ANK1: variants seen among roughly 807,000 people sequenced by gnomAD.
The protein encoded by ANK1 is ankyrin-1.
Under a neutral mutation model 210.4 loss-of-function variants are expected in ANK1, and 51 were observed. The ratio of observed to expected loss-of-function variants is 0.24; its 90% CI spans 0.19 to 0.31. The LOEUF (loss-of-function observed/expected upper bound fraction) is 0.31. ANK1 is among the 10% of genes least tolerant of loss of function. The probability of loss-of-function intolerance (pLI) is 1.00; values close to 1 mark genes in which losing one functional copy is unlikely to be tolerated. For synonymous variants in ANK1, 967 were observed against 1,025.9 expected, an observed-to-expected ratio of 0.94 and a Z score of 1.10; for missense variants, 2,051 against 2,504.4, an observed-to-expected ratio of 0.82 and a Z score of 3.86.
chr8:41,671,305 C>T (rs539994624), intron 38 of ANK1, among the ~76,000 whole-genome samples: 5 of 152,302 alleles, frequency 3.3e-5, no homozygotes, highest in African/African-American at 9.6e-5. Context: ...ATTATCAGCT[C>T]CGTCACATGC....
intron 1 of ANK1, among the ~76,000 whole-genome samples, chr8:41,783,871 T>C (rs1845820415): frequency 6.6e-6 from 1 of 152,160 alleles, no homozygotes; most frequent in Non-Finnish European, 1.5e-5. Flanking sequence ...GCCACCAGAC[T>C]GGGCAACATA....
intron 1 of ANK1, among the ~76,000 whole-genome samples, chr8:41,848,864 G>C (rs1417355923): frequency 6.6e-6 from 1 of 152,156 alleles, no homozygotes; most frequent in African/African-American, 2.4e-5. Flanking sequence ...GCACTGCAAA[G>C]CCCATTCCCC....
At chr8:41,670,847 T>C (rs1812042456) in intron 38 of ANK1, among the ~76,000 whole-genome samples, 2 of 152,218 alleles carry the variant, frequency 1.3e-5, no homozygotes, top group Admixed American at 1.3e-4. Context: ...ACAAGAACCA[T>C]GTCCTTACTT....
rs536878669 is a variant in ANK1, at chr8:41,660,342, G to T, written c.*36+1088C>A. On this transcript the variant is annotated intron_variant, in intron 42 of 42. Coordinates refer to ENST00000289734, the MANE Select transcript of ANK1 (RefSeq NM_000037.4). ...AAAGCTAGAGCCTCCTTGCTGCTCG[G>T]TCCCAGAGTCAGGCCCTGGGGTGTG... 3.8e-5 allele frequency: 17 copies of T among 450,248 alleles called. No individual in the cohort carries two copies. The East Asian group carries it at 1.2e-3, about 32-fold the overall frequency. The allele number at this position is 450,248 out of a possible 1,614,324, so 27.9% of individuals were successfully genotyped here.
chr8:41,809,385 C>T (rs1172778524), intron 1 of ANK1, among the ~76,000 whole-genome samples: 2 of 152,220 alleles, frequency 1.3e-5, no homozygotes, highest in Admixed American at 1.3e-4. Context: ...TTAGCAAACG[C>T]GTCAACATGC....
At position 41,894,338 on chromosome 8, in the gene ANK1, A is replaced by T. The variant is rs1170841259; in HGVS notation, c.126+2017T>A. On this transcript the variant is annotated intron_variant, in intron 1 of 42. Coordinates refer to the ANK1 transcript ENST00000265709. ...TGCTGCGACCGGCTAGTAAAACAAGATAACACCATTTGGGGGGAGGAATAT... is the reference window on the plus strand; with the variant it reads ...TGCTGCGACCGGCTAGTAAAACAAGTTAACACCATTTGGGGGGAGGAATAT... Among the ~76,000 whole-genome samples the T allele has an allele frequency of 2.6e-5, 4 of 152,304 alleles. No individual in the cohort carries two copies. In the South Asian group the frequency reaches 8.3e-4, roughly 32 times the overall value.
chr8:41,866,019 T>C (rs562958837), intron 1 of ANK1, among the ~76,000 whole-genome samples: 226 of 152,348 alleles, frequency 1.5e-3, no homozygotes, highest in Middle Eastern at 3.4e-3. Flanking sequence ...CTCTCCACCA[T>C]GACACTGGCC....
intron 37 of ANK1, among the ~76,000 whole-genome samples, chr8:41,679,038 G>A (rs574564021): frequency 1.6e-4 from 24 of 152,188 alleles, no homozygotes; most frequent in Admixed American, 3.3e-4. Context: ...CGCCCACCTC[G>A]GCCTCCCAAA....
At chr8:41,699,143 G>A (rs1447037981) in intron 23 of ANK1, among the ~76,000 whole-genome samples, 3 of 152,140 alleles carry the variant, frequency 2.0e-5, no homozygotes, top group Admixed American at 6.6e-5. Context: ...GGATAAGAGG[G>A]AGAGGGGGTG....
Position 41,697,887 on chromosome 8 carries a change from T to C in ANK1, c.2637+156A>G, listed in dbSNP as rs1003216754. The C allele has an allele frequency of 7.7e-5, 59 of 763,780 alleles. 1 individual carries two copies. Among genetic ancestry groups the C allele is most frequent in the South Asian group, 7.4e-4 (50 of 67,858 alleles). 47.3% of individuals were successfully genotyped at this position (763,780 alleles called of 1,614,324 possible). On this transcript the variant is annotated intron_variant, in intron 24 of 42. Transcript: ENST00000289734. ...ACCCAGCGCCACCAATGTTGCACCATTATGAGGCGTCCAAGCGTGGAATGC... is the reference window on the plus strand; with the variant it reads ...ACCCAGCGCCACCAATGTTGCACCACTATGAGGCGTCCAAGCGTGGAATGC...
intron 1 of ANK1, among the ~76,000 whole-genome samples, chr8:41,794,769 A>C (rs565536969): frequency 6.6e-6 from 1 of 152,324 alleles, no homozygotes; most frequent in South Asian, 2.1e-4. Flanking sequence ...CAGTGGCACC[A>C]TCTCGGCTTA....
intron 2 of ANK1, among the ~76,000 whole-genome samples, chr8:41,750,067 A>G (rs1378627442): frequency 6.6e-6 from 1 of 152,262 alleles, no homozygotes; most frequent in African/African-American, 2.4e-5. Context: ...TAGCTTGGAA[A>G]GGTCGTAATT....
At chr8:41,881,256 G>A (rs1817532400) in intron 1 of ANK1, among the ~76,000 whole-genome samples, 1 of 152,202 alleles carries the variant, frequency 6.6e-6, no homozygotes. Context: ...CAGAGGCCCA[G>A]AGACACACAG....
At chr8:41,779,524 G>C (rs1248374512) in intron 1 of ANK1, among the ~76,000 whole-genome samples, 1 of 152,114 alleles carries the variant, frequency 6.6e-6, no homozygotes, top group East Asian at 1.9e-4. Context: ...AAACTGCTGG[G>C]ATTACAGGCA....
At chr8:41,668,227 G>A in intron 39 of ANK1, 40 bp downstream of exon 39, 1 of 1,613,428 alleles carries the variant, frequency 6.2e-7, no homozygotes, top group Non-Finnish European at 8.5e-7. Context: ...TTCCGATGCT[G>A]GGAAGGAACA....
In ANK1 at chr8:41,699,467, G is replaced by C. The variant is rs148006987; in HGVS notation, c.2543C>G (p.Pro848Arg). 5 of 1,614,080 alleles carry C rather than the reference G, an allele frequency of 3.1e-6. No individual in the cohort carries two copies. The highest frequency in any genetic ancestry group is 4.2e-6 in the Non-Finnish European group (5 of 1,180,030). ...CACTGCTCACACTTGGTCTAGCTTC[G>C]GCACAAAATCCAGCAGCTCCTTCTC... ...DEEKELLDFV[P>R]KLDQVVESPA... The change falls in exon 23 of 43, where the codon CCG becomes CGG. Residue 848 changes from proline to arginine, a missense_variant. Transcript: ENST00000289734.
intron 1 of ANK1, among the ~76,000 whole-genome samples, chr8:41,792,482 T>C (rs928299236): frequency 4.6e-5 from 7 of 152,230 alleles, no homozygotes; most frequent in Non-Finnish European, 1.0e-4. Flanking sequence ...TCAGACTCAT[T>C]CATGGGTTTC....
At chr8:41,723,465 T>C in intron 8 of ANK1, 70 bp downstream of exon 8, 3 of 1,559,582 alleles carry the variant, frequency 1.9e-6, no homozygotes, top group Non-Finnish European at 2.6e-6. Flanking sequence ...AAGGGCCCGC[T>C]GCTCTGGGTG....
At chr8:41,841,910 G>A (rs1327439897) in intron 1 of ANK1, among the ~76,000 whole-genome samples, 1 of 152,206 alleles carries the variant, frequency 6.6e-6, no homozygotes, top group Non-Finnish European at 1.5e-5. Context: ...CACCTGCCGT[G>A]GGGACTCCCC....
Sources: allele counts gnomAD v4.1 joint callset (sites outside exome capture counted in the v4.1 genomes callset), GRCh38; gene constraint gnomAD v4.1.1; transcripts MANE v1.5; gene names NCBI Gene and HGNC (gene_info 2026-07-23, HGNC 2026-07-21).